DPP10: variants seen among roughly 807,000 people sequenced by gnomAD.
The protein encoded by DPP10 is inactive dipeptidyl peptidase 10.
Under a neutral mutation model 120.9 loss-of-function variants are expected in DPP10, and 33 were observed. The ratio of observed to expected loss-of-function variants is 0.27; its 90% CI spans 0.21 to 0.37. DPP10 has a LOEUF of 0.37. Ranked by LOEUF, DPP10 falls within the 10% of genes least tolerant of loss-of-function variation. The probability of loss-of-function intolerance (pLI) is 1.00; values close to 1 mark genes in which losing one functional copy is unlikely to be tolerated. For missense variants in DPP10, 816 were observed against 942.8 expected (o/e 0.87, Z 1.76); for synonymous variants, 337 against 326.1 (o/e 1.03, Z -0.36).
chr2:114,743,173 G>A (rs1296871198), intron 1 of DPP10, among the ~76,000 whole-genome samples: 1 of 152,162 alleles, frequency 6.6e-6, no homozygotes, highest in Non-Finnish European at 1.5e-5. Flanking sequence ...AGATGTTAGA[G>A]ATTTTAGATT....
chr2:114,811,463 TCCACCATCTCCACTGCCACAACC>T (rs888232370), intron 1 of DPP10, among the ~76,000 whole-genome samples: 3 of 151,154 alleles, frequency 2.0e-5, no homozygotes, highest in Non-Finnish European at 4.4e-5. Flanking sequence ...CACCATCACC[TCCACCATCTCCACTGCCACAACC>T]CCACCATCAG....
At chr2:114,676,180 G>A (rs1034461716) in intron 1 of DPP10, among the ~76,000 whole-genome samples, 1 of 152,114 alleles carries the variant, frequency 6.6e-6, no homozygotes, top group African/African-American at 2.4e-5. Flanking sequence ...CTATATGACT[G>A]TAATATAAGT....
chr2:115,342,849 A>G (rs2063517082), intron 2 of DPP10, among the ~76,000 whole-genome samples: 1 of 152,086 alleles, frequency 6.6e-6, no homozygotes, highest in Non-Finnish European at 1.5e-5. Context: ...TGATTGATTT[A>G]TGTGAAAGGG....
intron 5 of DPP10, among the ~76,000 whole-genome samples, chr2:115,586,473 T>G (rs2082297517): frequency 6.6e-6 from 1 of 152,226 alleles, no homozygotes. Flanking sequence ...GATGTAGGAT[T>G]ACTGGGTCAA....
intron 1 of DPP10, among the ~76,000 whole-genome samples, chr2:114,749,950 A>T (rs2106033597): frequency 6.6e-6 from 1 of 152,284 alleles, no homozygotes; most frequent in African/African-American, 2.4e-5. Context: ...TTGTAAAGAA[A>T]ATATATGTGT....
At chr2:114,943,818 A>G (rs1697151440) in intron 1 of DPP10, among the ~76,000 whole-genome samples, 1 of 152,240 alleles carries the variant, frequency 6.6e-6, no homozygotes, top group Non-Finnish European at 1.5e-5. Context: ...CATCATTAAG[A>G]TGTTAACATA....
intron 5 of DPP10, among the ~76,000 whole-genome samples, chr2:115,667,266 G>T (rs2089526513): frequency 6.6e-6 from 1 of 152,108 alleles, no homozygotes; most frequent in South Asian, 2.1e-4. Context: ...TTTGTCAGAT[G>T]CATAAATTAT....
intron 4 of DPP10, among the ~76,000 whole-genome samples, chr2:115,503,464 CA>C (rs2076787450): frequency 6.6e-6 from 1 of 152,074 alleles, no homozygotes; most frequent in Non-Finnish European, 1.5e-5. Context: ...ACAACAAAAA[CA>C]AACACAGTAG....
chr2:115,565,575 A>T (rs2080950590), intron 5 of DPP10, among the ~76,000 whole-genome samples: 1 of 152,158 alleles, frequency 6.6e-6, no homozygotes, highest in African/African-American at 2.4e-5. Context: ...TCTAATCTAG[A>T]TTCACACAGT....
intron 1 of DPP10, among the ~76,000 whole-genome samples, chr2:115,092,762 T>C (rs1489725504): frequency 6.6e-6 from 1 of 152,198 alleles, no homozygotes; most frequent in Admixed American, 6.5e-5. Flanking sequence ...CTACTTGTTT[T>C]ACCTTTGATT....
chr2:114,675,805 TA>T (rs1309915268), intron 1 of DPP10, among the ~76,000 whole-genome samples: 3 of 125,710 alleles, frequency 2.4e-5, no homozygotes, highest in East Asian at 2.2e-4. Context: ...CCATCTTTAA[TA>T]ATTTTTTTTT....
At chr2:114,809,177 C>T (rs1054891365) in intron 1 of DPP10, among the ~76,000 whole-genome samples, 3 of 152,092 alleles carry the variant, frequency 2.0e-5, no homozygotes, top group Admixed American at 6.6e-5. Flanking sequence ...ATTTGGCTCA[C>T]ATTAATGTTG....
chr2:115,626,880 T>C (rs1450650984), intron 5 of DPP10, among the ~76,000 whole-genome samples: 1 of 152,218 alleles, frequency 6.6e-6, no homozygotes, highest in Non-Finnish European at 1.5e-5. Context: ...AATGAACAGA[T>C]ATTGATTTCT....
chr2:115,734,655 TAAAAAAAAAAAAAAA>T (rs55950813), intron 8 of DPP10, among the ~76,000 whole-genome samples: 6 of 100,430 alleles, frequency 6.0e-5, no homozygotes, highest in African/African-American at 9.4e-5. Context: ...GACTCTGTCT[TAAAAAAAAAAAAAAA>T]AAAAAAAAAA....
intron 19 of DPP10, among the ~76,000 whole-genome samples, chr2:115,794,489 A>T (rs17044987): frequency 0.014 from 2,076 of 152,296 alleles, 48 homozygotes; most frequent in African/African-American, 0.045. Flanking sequence ...AATGTAAGTG[A>T]ATCAAAGATC....
intron 8 of DPP10, among the ~76,000 whole-genome samples, chr2:115,731,603 G>C (rs13388829): frequency 1.5e-3 from 223 of 152,282 alleles, no homozygotes; most frequent in African/African-American, 5.2e-3. Flanking sequence ...GCTAATGAGT[G>C]GGAGAGCCAA....
intron 1 of DPP10, among the ~76,000 whole-genome samples, chr2:115,051,917 C>T (rs1705514972): frequency 6.6e-6 from 1 of 152,138 alleles, no homozygotes; most frequent in African/African-American, 2.4e-5. Flanking sequence ...TATATCAGAA[C>T]ATCATGTTAT....
intron 3 of DPP10, among the ~76,000 whole-genome samples, chr2:115,376,530 T>TC (rs1438381283): frequency 6.6e-6 from 1 of 151,166 alleles, no homozygotes; most frequent in African/African-American, 2.4e-5. Flanking sequence ...ATAGTCCCTT[T>TC]CTTTTTTTTT....
intron 3 of DPP10, among the ~76,000 whole-genome samples, chr2:115,475,382 G>A (rs2075009349): frequency 6.6e-6 from 1 of 152,326 alleles, no homozygotes; most frequent in African/African-American, 2.4e-5. Flanking sequence ...TGGGTGCACA[G>A]AATGCCAAAG....
Sources: gnomAD v4.1 joint callset for allele counts (sites outside exome capture counted in the v4.1 genomes callset) on GRCh38, gnomAD v4.1.1 for gene constraint, MANE v1.5 for transcripts, NCBI Gene and HGNC (gene_info 2026-07-23, HGNC 2026-07-21) for gene names.